The following BRWD3 variants were observed in gnomAD, a reference collection of about 807,000 sequenced individuals.
BRWD3 encodes the protein bromodomain and WD repeat domain containing 3, also known as bromodomain and WD repeat-containing protein 3.
A neutral mutation model predicts 149.7 loss-of-function variants in BRWD3; 10 were observed. That is an observed-to-expected ratio of 0.07 (90% confidence interval 0.04 to 0.11). The LOEUF (loss-of-function observed/expected upper bound fraction) is 0.11. Ranked by LOEUF, BRWD3 falls within the 10% of genes least tolerant of loss-of-function variation. BRWD3 has a pLI of 1.00. For missense variants in BRWD3, 940 were observed against 1,373.2 expected (o/e 0.68, Z 4.99); for synonymous variants, 504 against 456.7 (o/e 1.10, Z -1.32).
chrX:80,773,916 G>C (rs2073973712), intron 6 of BRWD3, among the ~76,000 whole-genome samples: 1 of 112,397 alleles, frequency 8.9e-6, no homozygotes, highest in Admixed American at 9.4e-5. Flanking sequence ...CTTCTCCAAA[G>C]AGTAAATTCC....
At chrX:80,764,687 C>G in intron 6 of BRWD3, among the ~76,000 whole-genome samples, 1 of 110,200 alleles carries the variant, frequency 9.1e-6, no homozygotes, top group Non-Finnish European at 1.9e-5. Context: ...AGGGTGTCAT[C>G]AAATTTTTTA....
At chrX:80,734,246 A>C in intron 10 of BRWD3, 28 bp from the exon 11 acceptor site, 2 of 1,005,810 alleles carry the variant, frequency 2.0e-6, no homozygotes, top group Non-Finnish European at 2.8e-6. Context: ...AAAACAAAAC[A>C]TAGTACCAAG....
intron 20 of BRWD3, among the ~76,000 whole-genome samples, chrX:80,712,162 C>A (rs1004918751): frequency 9.0e-6 from 1 of 111,405 alleles, no homozygotes; most frequent in Non-Finnish European, 1.9e-5. Flanking sequence ...AATGCTCTCC[C>A]CTCTCCCCTC....
intron 33 of BRWD3, among the ~76,000 whole-genome samples, chrX:80,688,532 T>C (rs2072565518): frequency 9.0e-6 from 1 of 111,518 alleles, no homozygotes; most frequent in African/African-American, 3.2e-5. Context: ...TATGCATTTA[T>C]ATTTTCCTAT....
chrX:80,707,395 A>T, intron 22 of BRWD3, 32 bp downstream of exon 22: 1 of 1,137,267 alleles, frequency 8.8e-7, no homozygotes, highest in Non-Finnish European at 1.2e-6. Context: ...ACTGTTCAAT[A>T]ATTTTGACCA....
chrX:80,740,462 G>A (rs927116716), intron 8 of BRWD3, among the ~76,000 whole-genome samples: 7 of 112,241 alleles, frequency 6.2e-5, no homozygotes, highest in African/African-American at 2.3e-4. Flanking sequence ...TCAAATTGAG[G>A]CTGAGTGCAG....
intron 21 of BRWD3, among the ~76,000 whole-genome samples, chrX:80,708,616 G>C (rs932280245): frequency 1.8e-5 from 2 of 111,369 alleles, no homozygotes; most frequent in African/African-American, 6.5e-5. Context: ...AAGAGTTCAA[G>C]ATCAGCCTGG....
At position 80,808,614 on chromosome X, in the gene BRWD3, AAAG is replaced by A. The variant is rs2074374335; in HGVS notation, c.121-19_121-17del. ...GCGGAATCAGCTGGGGGCCGGACGA[AAAG>A]AAAGGGGGAAGCGGAGGCAAATGAT... On this transcript the variant is annotated splice_polypyrimidine_tract_variant and intron_variant, in intron 3 of 40. Coordinates refer to ENST00000373275, the MANE Select transcript of BRWD3 (RefSeq NM_153252.5). 9 of 1,198,695 alleles carry A rather than the reference AAAG, an allele frequency of 7.5e-6. No homozygotes were observed. The highest frequency in any genetic ancestry group is 1.0e-5 in the Non-Finnish European group (9 of 887,241).
intron 4 of BRWD3, among the ~76,000 whole-genome samples, chrX:80,804,351 C>T (rs1282354855): frequency 9.1e-6 from 1 of 109,940 alleles, no homozygotes; most frequent in Non-Finnish European, 1.9e-5. Context: ...AATTCTCATG[C>T]CTCAGCCTCC....
chrX:80,719,212 T>C (rs1232782122), intron 18 of BRWD3, among the ~76,000 whole-genome samples: 1 of 111,022 alleles, frequency 9.0e-6, no homozygotes, highest in Non-Finnish European at 1.9e-5. Flanking sequence ...ACCGTAGCAC[T>C]TCACTTCTTA....
At position 80,673,842 on chromosome X, in the gene BRWD3, T is replaced by C. The variant is rs1373107686; in HGVS notation, c.*2767A>G. On this transcript the variant is annotated 3_prime_UTR_variant, in exon 41 of 41. Transcript: ENST00000373275. ...TTAGGCTTTTCTTCAAAATTCTTTG[T>C]TCATTTTGTACTTGCTTTGCTATGG... 9.0e-6 allele frequency: 1 copy of C among 111,578 alleles called. No homozygotes were observed. 9.2% of individuals were successfully genotyped at this position (111,578 alleles called of 1,213,427 possible).
intron 6 of BRWD3, among the ~76,000 whole-genome samples, chrX:80,760,294 T>C (rs2073789284): frequency 8.9e-6 from 1 of 111,887 alleles, no homozygotes; most frequent in African/African-American, 3.2e-5. Context: ...CTTAATTTTC[T>C]GTGTTTTCTC....
chrX:80,710,817 T>A, intron 20 of BRWD3: 1 of 360,313 alleles, frequency 2.8e-6, no homozygotes, highest in Non-Finnish European at 5.2e-6. Flanking sequence ...GTTTTAGGAA[T>A]CAGTCCAGAT....
chrX:80,690,962 C>G (rs2072603222), intron 31 of BRWD3, 91 bp downstream of exon 31: 2 of 1,029,206 alleles, frequency 1.9e-6, no homozygotes, highest in African/African-American at 3.9e-5. Flanking sequence ...TTTGGATGAT[C>G]ATGTTATACT....
At chrX:80,794,820 T>G (rs886701920) in intron 4 of BRWD3, among the ~76,000 whole-genome samples, 2 of 110,789 alleles carry the variant, frequency 1.8e-5, no homozygotes, top group Non-Finnish European at 3.8e-5. Context: ...AGGTGATGAG[T>G]AAACTCTCTA....
intron 26 of BRWD3, 40 bp downstream of exon 26, chrX:80,696,699 A>C (rs1378554206): frequency 8.4e-7 from 1 of 1,195,446 alleles, no homozygotes; most frequent in Non-Finnish European, 1.1e-6. Flanking sequence ...AGGTATTAAA[A>C]TACACACACT....
intron 3 of BRWD3, 68 bp from the exon 4 acceptor site, chrX:80,808,666 T>C (rs2074375116): frequency 1.0e-6 from 1 of 963,535 alleles, no homozygotes; most frequent in African/African-American, 2.0e-5. Context: ...CCGCTCCCCA[T>C]CAACTGGACC....
intron 31 of BRWD3, among the ~76,000 whole-genome samples, 166 bp from the exon 32 acceptor site, chrX:80,690,258 T>C (rs2072593388): frequency 9.0e-6 from 1 of 111,215 alleles, no homozygotes; most frequent in African/African-American, 3.3e-5. Flanking sequence ...AGAGATGATA[T>C]AGTTACAGTA....
Position 80,736,522 on chromosome X carries a change from G to A in BRWD3, c.814-434C>T, listed in dbSNP as rs865821980. On this transcript the variant is annotated intron_variant, in intron 8 of 40. Coordinates refer to ENST00000373275, the MANE Select transcript of BRWD3 (RefSeq NM_153252.5). ...AAGTAAATCTAAAAACACTTGGGAA[G>A]TTAATATCCAAGTATTTGGTTTTAT... Among the ~76,000 whole-genome samples, 4 of 111,485 alleles carry A rather than the reference G, an allele frequency of 3.6e-5. No homozygotes were observed. The Admixed American group carries it at 3.8e-4, about 11-fold the overall frequency.
Sources: gnomAD v4.1 joint callset for allele counts (sites outside exome capture counted in the v4.1 genomes callset) on GRCh38, gnomAD v4.1.1 for gene constraint, MANE v1.5 for transcripts, NCBI Gene and HGNC (gene_info 2026-07-23, HGNC 2026-07-21) for gene names.